PDE4B: variants seen among roughly 807,000 people sequenced by gnomAD.
The protein encoded by PDE4B is 3',5'-cyclic-AMP phosphodiesterase 4B.
In PDE4B, 20 loss-of-function variants were observed where a neutral mutation model predicts 82.2. The ratio of observed to expected loss-of-function variants is 0.24; its 90% CI spans 0.17 to 0.35. The LOEUF is 0.35. PDE4B is among the 10% of genes least tolerant of loss of function. PDE4B has a pLI of 1.00. For synonymous variants in PDE4B, 320 were observed against 318.9 expected (o/e 1.00, Z -0.04); for missense variants, 655 against 907.2 (o/e 0.72, Z 3.57).
intron 3 of PDE4B, among the ~76,000 whole-genome samples, chr1:66,079,135 C>T (rs1349413214): frequency 6.6e-6 from 1 of 151,666 alleles, no homozygotes; most frequent in Admixed American, 6.6e-5. Context: ...CACTCTCTCA[C>T]TGTCTCGGTT....
intron 3 of PDE4B, among the ~76,000 whole-genome samples, chr1:65,941,819 A>G (rs1034317187): frequency 1.3e-5 from 2 of 152,012 alleles, no homozygotes; most frequent in East Asian, 1.9e-4. Flanking sequence ...AACTGTTGTC[A>G]TCATGCACAA....
intron 7 of PDE4B, among the ~76,000 whole-genome samples, chr1:66,294,641 T>G (rs1352966142): frequency 6.6e-6 from 1 of 152,210 alleles, no homozygotes; most frequent in Non-Finnish European, 1.5e-5. Context: ...TAAGTTTTTT[T>G]CTTGTCTATC....
intron 1 of PDE4B, among the ~76,000 whole-genome samples, chr1:65,902,253 A>C (rs1009729641): frequency 1.3e-5 from 2 of 152,040 alleles, no homozygotes; most frequent in African/African-American, 4.8e-5. Flanking sequence ...ACTTTCTTAT[A>C]TTGATTATGT....
At chr1:65,966,364 A>G (rs2997083) in intron 3 of PDE4B, among the ~76,000 whole-genome samples, 148,971 of 152,254 alleles carry the variant, frequency 0.98, 72,960 homozygotes, top group Middle Eastern at 1. Flanking sequence ...CCTCTTCAAG[A>G]AGAATTACAA....
chr1:66,081,807 ACTCTCTCTCT>A lies in PDE4B; in HGVS notation c.281+162989_281+162998del, dbSNP rs72513051. ...ATTCTACACGGGAGTGAAAAGTAAA[ACTCTCTCTCT>A]CTCTCTCTCTCTCTCTGTGTGTGTG... On this transcript the variant is annotated intron_variant, in intron 3 of 16. Coordinates refer to ENST00000341517, the MANE Select transcript of PDE4B (RefSeq NM_002600.4). 9.7e-3 allele frequency among the ~76,000 whole-genome samples: 1,361 copies of A among 140,912 alleles called. 20 individuals carry two copies. Among genetic ancestry groups the A allele is most frequent in the African/African-American group, 0.024 (909 of 37,872 alleles). The allele number at this position is 140,912 out of a possible 152,430, so 92.4% of individuals were successfully genotyped here.
intron 8 of PDE4B, among the ~76,000 whole-genome samples, chr1:66,343,775 C>T (rs1377491665): frequency 6.6e-6 from 1 of 152,080 alleles, no homozygotes; most frequent in African/African-American, 2.4e-5. Flanking sequence ...TGACATGGCA[C>T]TTTTAATAGA....
At chr1:66,281,416 C>T (rs1163242063) in intron 7 of PDE4B, among the ~76,000 whole-genome samples, 1 of 152,170 alleles carries the variant, frequency 6.6e-6, no homozygotes, top group Non-Finnish European at 1.5e-5. Flanking sequence ...GCCTTTTAAC[C>T]CACTAGAGAT....
intron 1 of PDE4B, among the ~76,000 whole-genome samples, chr1:65,827,038 A>G (rs1389627429): frequency 1.3e-5 from 2 of 152,230 alleles, no homozygotes; most frequent in Non-Finnish European, 2.9e-5. Context: ...ACAGGGTATC[A>G]CTAGAGAAAT....
chr1:66,340,031 A>G (rs536058259), intron 8 of PDE4B, among the ~76,000 whole-genome samples: 5 of 152,294 alleles, frequency 3.3e-5, no homozygotes, highest in African/African-American at 1.2e-4. Flanking sequence ...GGAAGCCAGG[A>G]CTTACTAAAC....
At chr1:65,877,348 G>A (rs926429612) in intron 1 of PDE4B, among the ~76,000 whole-genome samples, 1 of 152,176 alleles carries the variant, frequency 6.6e-6, no homozygotes, top group Non-Finnish European at 1.5e-5. Context: ...GGGTGCAGTG[G>A]CTCACGCCTG....
chr1:65,968,431 T>A (rs577420010), intron 3 of PDE4B, among the ~76,000 whole-genome samples: 1 of 152,210 alleles, frequency 6.6e-6, no homozygotes, highest in Admixed American at 6.6e-5. Flanking sequence ...GCACACACAG[T>A]CCCTGGCCTT....
chr1:66,035,693 T>A (rs1028262942), intron 3 of PDE4B, among the ~76,000 whole-genome samples: 2 of 152,194 alleles, frequency 1.3e-5, no homozygotes, highest in Admixed American at 1.3e-4. Flanking sequence ...AGTATTCCAT[T>A]GTGTGTGTAT....
At chr1:65,998,700 C>T (rs1651690887) in intron 3 of PDE4B, among the ~76,000 whole-genome samples, 1 of 152,038 alleles carries the variant, frequency 6.6e-6, no homozygotes, top group African/African-American at 2.4e-5. Flanking sequence ...TTATCACTTA[C>T]ACCATGATGC....
At chr1:66,228,064 G>C (rs1557646789) in intron 3 of PDE4B, among the ~76,000 whole-genome samples, 3 of 152,170 alleles carry the variant, frequency 2.0e-5, no homozygotes, top group South Asian at 2.1e-4. Flanking sequence ...CCTACTTGCT[G>C]TTATTCAAAT....
Position 66,146,173 on chromosome 1 carries a change from C to CTTTT in PDE4B, c.282-101262_282-101259dup, listed in dbSNP as rs36027532. ...AGAAGGCCATTGCCTGGGTAGCATG[C>CTTTT]TTTTTTTTTTTTTTTTTTTTTTTTT... is the stretch of plus-strand genomic sequence containing the variant. On this transcript the variant is annotated intron_variant, in intron 3 of 16. Coordinates refer to ENST00000341517, the MANE Select transcript of PDE4B (RefSeq NM_002600.4). Among the ~76,000 whole-genome samples the CTTTT allele has an allele frequency of 6.3e-4, 31 of 49,240 alleles. 5 individuals are homozygous for CTTTT. Among genetic ancestry groups the CTTTT allele is most frequent in the Non-Finnish European group, 8.0e-4 (22 of 27,616 alleles). 32.3% of individuals were successfully genotyped at this position (49,240 alleles called of 152,430 possible). A position where few individuals can be genotyped will look rare whatever the true frequency, so the allele number is the denominator to read the frequency against.
intron 1 of PDE4B, among the ~76,000 whole-genome samples, chr1:65,837,849 C>T (rs1214077102): frequency 6.6e-6 from 1 of 151,774 alleles, no homozygotes; most frequent in Non-Finnish European, 1.5e-5. Flanking sequence ...ATTTCATCAC[C>T]CAGGTTTTAA....
intron 7 of PDE4B, among the ~76,000 whole-genome samples, chr1:66,286,713 C>T (rs762172726): frequency 1.4e-4 from 21 of 152,126 alleles, no homozygotes; most frequent in East Asian, 3.9e-4. Flanking sequence ...CAGGACTCTT[C>T]GTTCTGGAGG....
chr1:65,810,430 C>T (rs1645805729), intron 1 of PDE4B, among the ~76,000 whole-genome samples: 1 of 152,108 alleles, frequency 6.6e-6, no homozygotes, highest in Admixed American at 6.5e-5. Flanking sequence ...AAGCCTCAGC[C>T]AAGTAATTTG....
intron 1 of PDE4B, among the ~76,000 whole-genome samples, chr1:65,866,493 G>A (rs1384661461): frequency 3.3e-5 from 5 of 152,100 alleles, no homozygotes; most frequent in African/African-American, 1.2e-4. Flanking sequence ...ATGATAAGTG[G>A]TTTTTGAATT....
Sources: allele counts gnomAD v4.1 joint callset (sites outside exome capture counted in the v4.1 genomes callset), GRCh38; gene constraint gnomAD v4.1.1; transcripts MANE v1.5; gene names NCBI Gene and HGNC (gene_info 2026-07-23, HGNC 2026-07-21).